The following PITPNC1 variants were observed in gnomAD, a reference collection of about 807,000 sequenced individuals.
PITPNC1 encodes phosphatidylinositol transfer protein cytoplasmic 1, also known as cytoplasmic phosphatidylinositol transfer protein 1.
PITPNC1 carries 18 observed loss-of-function variants against 44.7 expected under a neutral mutation model. The observed-to-expected ratio is 0.40, with a 90% confidence interval of 0.28 to 0.60. PITPNC1 has a LOEUF of 0.60. Among genes scored for constraint, PITPNC1 ranks in the 20% least tolerant of loss-of-function variants. The pLI is 0.39. For missense variants in PITPNC1, 290 were observed against 418.4 expected (o/e 0.69, Z 2.68); for synonymous variants, 141 against 149.6 (o/e 0.94, Z 0.42).
At chr17:67,535,460 T>C (rs2040514975) in intron 2 of PITPNC1, among the ~76,000 whole-genome samples, 1 of 152,236 alleles carries the variant, frequency 6.6e-6, no homozygotes, top group East Asian at 1.9e-4. Flanking sequence ...ATGTTCCTTA[T>C]ATATGAAAAT....
At chr17:67,389,161 G>A (rs1437980171) in intron 1 of PITPNC1, among the ~76,000 whole-genome samples, 1 of 152,182 alleles carries the variant, frequency 6.6e-6, no homozygotes, top group Non-Finnish European at 1.5e-5. Flanking sequence ...TTAGAGGCTC[G>A]ATCCCAGAGG....
intron 1 of PITPNC1, among the ~76,000 whole-genome samples, chr17:67,436,901 TA>T (rs1014095501): frequency 1.5e-5 from 2 of 132,894 alleles, no homozygotes; most frequent in Non-Finnish European, 1.6e-5. Flanking sequence ...TATTTGAAAA[TA>T]GGGGTGTTTT....
In PITPNC1 at chr17:67,508,673, A is replaced by T. The variant is rs2040138333; in HGVS notation, c.49-24129A>T. On this transcript the variant is annotated intron_variant, in intron 1 of 8. Transcript: ENST00000581322. This position sits in a 1 kb window ranked among gnomAD's most constrained non-coding sequence, Gnocchi z 4.2. ...TCAAGATGGAGTTGCTCTGGTTCAAATGCCTCTGACAAAAAGACAAATACT... is the reference window on the plus strand; with the variant it reads ...TCAAGATGGAGTTGCTCTGGTTCAATTGCCTCTGACAAAAAGACAAATACT... 6.6e-6 allele frequency among the ~76,000 whole-genome samples: 1 copy of T among 152,162 alleles called. No homozygotes were observed. Among genetic ancestry groups the T allele is most frequent in the Admixed American group, 6.6e-5 (1 of 15,264 alleles).
rs554457072 is a variant in PITPNC1, at chr17:67,632,769, T to G, written c.462+531T>G. Reference sequence around the variant, plus strand: ...TTTTAGTAGAGATGGGGTTTCACCCTGTTGGCCAGGCTGGTCTCCAACTTC... The same window carrying G: ...TTTTAGTAGAGATGGGGTTTCACCCGGTTGGCCAGGCTGGTCTCCAACTTC... On this transcript the variant is annotated intron_variant, in intron 6 of 8. Coordinates refer to ENST00000581322, the MANE Select transcript of PITPNC1 (RefSeq NM_012417.4). 1.5e-4 allele frequency among the ~76,000 whole-genome samples: 23 copies of G among 152,218 alleles called. No homozygotes were observed. In the East Asian group the frequency reaches 3.9e-3, roughly 26 times the overall value.
At chr17:67,514,616 G>A (rs905977215) in intron 1 of PITPNC1, among the ~76,000 whole-genome samples, 1 of 150,348 alleles carries the variant, frequency 6.7e-6, no homozygotes, top group African/African-American at 2.4e-5. Flanking sequence ...CCCGAGGTCC[G>A]GAGTTCAAGA....
At chr17:67,620,958 A>G (rs1188359459) in intron 5 of PITPNC1, among the ~76,000 whole-genome samples, 1 of 152,124 alleles carries the variant, frequency 6.6e-6, no homozygotes, top group Non-Finnish European at 1.5e-5. Flanking sequence ...GGGCCCCCAC[A>G]TGGAAACCTC....
At chr17:67,530,580 G>A (rs144379569) in intron 1 of PITPNC1, among the ~76,000 whole-genome samples, 162 of 152,280 alleles carry the variant, frequency 1.1e-3, no homozygotes, top group African/African-American at 3.7e-3. Context: ...CACATTCTGG[G>A]TTACTAGGGG....
chr17:67,650,098 G>A (rs960790476), intron 6 of PITPNC1, among the ~76,000 whole-genome samples: 12 of 152,232 alleles, frequency 7.9e-5, no homozygotes, highest in Non-Finnish European at 1.5e-4. Flanking sequence ...GCCATCTAGG[G>A]CCCCTCACCT....
intron 1 of PITPNC1, chr17:67,378,894 G>A: frequency 1.2e-6 from 1 of 807,380 alleles, no homozygotes; most frequent in Non-Finnish European, 1.5e-6. Flanking sequence ...CGCGGCCACA[G>A]GAGGGCGCTC....
intron 6 of PITPNC1, among the ~76,000 whole-genome samples, chr17:67,648,823 A>G (rs1287211295): frequency 6.6e-6 from 1 of 152,166 alleles, no homozygotes. Flanking sequence ...CAGGAGTAGT[A>G]TTCTGAGAGA....
intron 1 of PITPNC1, among the ~76,000 whole-genome samples, chr17:67,428,316 A>G (rs907476701): frequency 2.6e-5 from 4 of 152,128 alleles, no homozygotes; most frequent in African/African-American, 9.7e-5. Flanking sequence ...AGGTGAGAGG[A>G]TCACTTGAGC....
intron 5 of PITPNC1, among the ~76,000 whole-genome samples, chr17:67,580,571 A>G (rs1287724256): frequency 6.6e-6 from 1 of 151,874 alleles, no homozygotes; most frequent in African/African-American, 2.4e-5. Flanking sequence ...AAACTCCTGG[A>G]CTCAAGCAAT....
At chr17:67,481,744 A>C (rs191334514) in intron 1 of PITPNC1, among the ~76,000 whole-genome samples, 1 of 152,138 alleles carries the variant, frequency 6.6e-6, no homozygotes, top group African/African-American at 2.4e-5. Context: ...TTAATCATAC[A>C]GAAGATGTAT....
At chr17:67,555,219 G>A (rs2040820022) in intron 4 of PITPNC1, among the ~76,000 whole-genome samples, 1 of 152,156 alleles carries the variant, frequency 6.6e-6, no homozygotes, top group African/African-American at 2.4e-5. Flanking sequence ...TCCTAGAGAT[G>A]TTAGCGGAAG....
At chr17:67,418,294 G>C (rs1380774020) in intron 1 of PITPNC1, among the ~76,000 whole-genome samples, 1 of 152,152 alleles carries the variant, frequency 6.6e-6, no homozygotes, top group Non-Finnish European at 1.5e-5. Flanking sequence ...TGGCAGTGCT[G>C]CTCTCCCAGT....
At chr17:67,582,850 C>T (rs144867998) in intron 5 of PITPNC1, among the ~76,000 whole-genome samples, 272 of 152,284 alleles carry the variant, frequency 1.8e-3, no homozygotes, top group Admixed American at 3.7e-3. Flanking sequence ...TGTGAGAGTC[C>T]GTGCTTAGCA....
chr17:67,673,056 G>T (rs1409993265), intron 7 of PITPNC1, among the ~76,000 whole-genome samples: 2 of 152,140 alleles, frequency 1.3e-5, no homozygotes, highest in Non-Finnish European at 2.9e-5. Context: ...GAGACACTCA[G>T]CACTCAAGTG....
intron 1 of PITPNC1, among the ~76,000 whole-genome samples, chr17:67,418,010 A>G (rs1045406138): frequency 6.6e-6 from 1 of 152,198 alleles, no homozygotes; most frequent in Non-Finnish European, 1.5e-5. Flanking sequence ...ACTGTACTCT[A>G]GCCTGGGTGA....
intron 1 of PITPNC1, among the ~76,000 whole-genome samples, chr17:67,414,108 A>AC (rs1340068121): frequency 1.3e-5 from 2 of 151,842 alleles, no homozygotes; most frequent in Non-Finnish European, 2.9e-5. Flanking sequence ...GAAAAAAAAA[A>AC]AAATAGAGAG....
Sources: gnomAD v4.1 joint callset for allele counts (sites outside exome capture counted in the v4.1 genomes callset) on GRCh38, gnomAD v4.1.1 for gene constraint, Gnocchi (gnomAD v3.1) non-coding constraint, MANE v1.5 for transcripts, NCBI Gene and HGNC (gene_info 2026-07-23, HGNC 2026-07-21) for gene names.